The following TMEM212 variants were observed in gnomAD, a reference collection of about 807,000 sequenced individuals.
TMEM212 encodes transmembrane protein 212.
TMEM212 carries 23 observed loss-of-function variants against 20.5 expected under a neutral mutation model. That is an observed-to-expected ratio of 1.12 (90% CI 0.81 to 1.59). The LOEUF is 1.59. Among genes scored for constraint, TMEM212 ranks in the 40% most tolerant of loss-of-function variants. The pLI, the probability that TMEM212 is intolerant of heterozygous loss-of-function variation, is 0.00. For missense variants in TMEM212, 211 were observed against 215.0 expected (o/e 0.98, Z 0.12); for synonymous variants, 76 against 81.6 (o/e 0.93, Z 0.37).
At position 171,843,356 on chromosome 3, in the gene TMEM212, A is replaced by G; in HGVS notation, c.-28A>G. On this transcript the variant is annotated 5_prime_UTR_variant, in exon 1 of 5. Transcript: ENST00000334567. ...ATGTTTTGGTAACAAAACATCTTTG[A>G]GACCAAGGCCTCAAGCCACCAAGGA... 6.6e-7 allele frequency: 1 copy of G among 1,517,688 alleles called. No individual in the cohort carries two copies. Among genetic ancestry groups the G allele is most frequent in the Non-Finnish European group, 8.8e-7 (1 of 1,137,834 alleles). The allele number at this position is 1,517,688 out of a possible 1,614,324, so 94.0% of individuals were successfully genotyped here.
At chr3:171,849,561 T>C (rs1325951637) in intron 1 of TMEM212, among the ~76,000 whole-genome samples, 2 of 152,226 alleles carry the variant, frequency 1.3e-5, no homozygotes, top group African/African-American at 2.4e-5. Context: ...AAACACTCAC[T>C]CAATACATGT....
At chr3:171,854,115 G>C (rs1725057866) in intron 3 of TMEM212, among the ~76,000 whole-genome samples, 1 of 152,088 alleles carries the variant, frequency 6.6e-6, no homozygotes, top group South Asian at 2.1e-4. Context: ...ATTATTCATA[G>C]GAACAAGACA....
At chr3:171,847,235 G>A (rs1373251842) in intron 1 of TMEM212, among the ~76,000 whole-genome samples, 1 of 152,208 alleles carries the variant, frequency 6.6e-6, no homozygotes, top group Non-Finnish European at 1.5e-5. Flanking sequence ...ATCAAGTTCT[G>A]ATGAAAAGAC....
At chr3:171,844,482 C>A (rs111601065) in intron 1 of TMEM212, among the ~76,000 whole-genome samples, 1 of 152,064 alleles carries the variant, frequency 6.6e-6, no homozygotes, top group East Asian at 1.9e-4. Context: ...CCAAGGGGAG[C>A]GGATCACGAG....
intron 3 of TMEM212, 134 bp downstream of exon 3, chr3:171,853,984 C>T: frequency 1.5e-6 from 1 of 671,928 alleles, no homozygotes; most frequent in African/African-American, 1.8e-5. Flanking sequence ...CCAGGTCTGG[C>T]ACATAATAGG....
rs1432556313 is a variant in TMEM212, at chr3:171,858,730, AAAAC to A, written c.*680_*683del. 7.2e-5 allele frequency: 11 copies of A among 152,338 alleles called. No individual in the cohort carries two copies. The highest frequency in any genetic ancestry group is 2.0e-4 in the Admixed American group (3 of 15,296). The allele number at this position is 152,338 out of a possible 1,614,324, so 9.4% of individuals were successfully genotyped here. On this transcript the variant is annotated 3_prime_UTR_variant, in exon 5 of 5. Transcript: ENST00000334567. ...AGAACTTAAACAAATTTACAAGAAA[AAAAC>A]AAACAACCACATCAAAAAGTAGGCA...
At position 171,853,622 on chromosome 3, in the gene TMEM212, C is replaced by T. The variant is rs1479345108; in HGVS notation, c.315C>T (p.Cys105=). 5.9e-6 allele frequency: 9 copies of T among 1,537,156 alleles called. No individual in the cohort carries two copies. Among genetic ancestry groups the T allele is most frequent in the Non-Finnish European group, 7.8e-6 (9 of 1,146,886 alleles). ...ALESALLGPY[C]FYSFSGIAGT... is the part of the protein sequence containing the mutation. Reference sequence around the variant, plus strand: ...AATCTGCTCTCCTGGGCCCATATTGCTTCTATTCATTTTCAGGGATTGCAG... The same window carrying T: ...AATCTGCTCTCCTGGGCCCATATTGTTTCTATTCATTTTCAGGGATTGCAG... Residue 105 remains cysteine, a synonymous_variant, in exon 3 of 5, where the codon TGC becomes TGT. Coordinates refer to ENST00000334567, the MANE Select transcript of TMEM212 (RefSeq NM_001164436.2).
In TMEM212 at chr3:171,852,238, T is replaced by C. The variant is rs1382023388; in HGVS notation, c.219+197T>C. Among the ~76,000 whole-genome samples the C allele has an allele frequency of 2.6e-5, 4 of 152,034 alleles. No homozygotes were observed. The East Asian group carries it at 7.7e-4, about 29-fold the overall frequency. On this transcript the variant is annotated intron_variant, in intron 2 of 4. Transcript: ENST00000334567. ...TTTTTTGAGACGGAGTTTTACTCTG[T>C]CCCCCAGGCTGGAGTGCAGTGGCAT...
At chr3:171,852,080 T>C in intron 2 of TMEM212, 39 bp downstream of exon 2, 2 of 1,463,958 alleles carry the variant, frequency 1.4e-6, no homozygotes, top group Non-Finnish European at 1.9e-6. Flanking sequence ...TAGAGAGGCT[T>C]TGAAGGTCAA....
Position 171,853,736 on chromosome 3 carries a change from G to A in TMEM212, c.429G>A (p.Glu143=), listed in dbSNP as rs369310037. 333 of 1,537,306 alleles carry A rather than the reference G, an allele frequency of 2.2e-4. No individual in the cohort carries two copies. Among genetic ancestry groups the A allele is most frequent in the Admixed American group, 1.4e-4 (7 of 50,960 alleles). ...LACVDPPHYE[E]YHLTLQALDL... is the part of the protein sequence containing the mutation. Reference sequence around the variant, plus strand: ...GTGTGGACCCACCACACTACGAAGAGTACCACCTGACACTTCAAGCCCTAG... The same window carrying A: ...GTGTGGACCCACCACACTACGAAGAATACCACCTGACACTTCAAGCCCTAG... The change falls in exon 3 of 5, where the codon GAG becomes GAA. Residue 143 remains glutamate (E), a synonymous_variant. Coordinates refer to ENST00000334567, the MANE Select transcript of TMEM212 (RefSeq NM_001164436.2).
At chr3:171,856,591 T>A in intron 3 of TMEM212, 72 bp from the exon 4 acceptor site, 3 of 593,016 alleles carry the variant, frequency 5.1e-6, no homozygotes, top group Non-Finnish European at 6.1e-6. Flanking sequence ...TTTACATGGG[T>A]GCCCCTCCCA....
chr3:171,852,726 A>G (rs1369046726), intron 2 of TMEM212, among the ~76,000 whole-genome samples: 1 of 152,218 alleles, frequency 6.6e-6, no homozygotes, highest in African/African-American at 2.4e-5. Flanking sequence ...AAAAGGATGA[A>G]AAGTCTATGC....
intron 1 of TMEM212, among the ~76,000 whole-genome samples, chr3:171,851,509 C>G (rs1473136493): frequency 6.6e-6 from 1 of 152,210 alleles, no homozygotes; most frequent in African/African-American, 2.4e-5. Flanking sequence ...ATCCCACCAG[C>G]AGGCTGAGGC....
At chr3:171,850,341 T>C (rs1346042014) in intron 1 of TMEM212, among the ~76,000 whole-genome samples, 4 of 152,204 alleles carry the variant, frequency 2.6e-5, no homozygotes, top group African/African-American at 9.6e-5. Context: ...AAAGCAAAAT[T>C]CAAGCTGGCA....
intron 3 of TMEM212, among the ~76,000 whole-genome samples, chr3:171,855,288 A>G (rs901148762): frequency 2.6e-5 from 4 of 152,102 alleles, no homozygotes; most frequent in African/African-American, 9.7e-5. Context: ...CTAAAGTAGG[A>G]AAGGGAATTG....
intron 1 of TMEM212, among the ~76,000 whole-genome samples, chr3:171,848,280 T>C (rs561511854): frequency 6.6e-6 from 1 of 152,300 alleles, no homozygotes; most frequent in Non-Finnish European, 1.5e-5. Flanking sequence ...TCCCAGAGGA[T>C]GCCCATGCTG....
At chr3:171,854,679 C>T (rs979548125) in intron 3 of TMEM212, among the ~76,000 whole-genome samples, 16 of 152,136 alleles carry the variant, frequency 1.1e-4, no homozygotes, top group Admixed American at 3.9e-4. Context: ...AAAGACCACA[C>T]ATAGCCAAAG....
Position 171,851,998 on chromosome 3 carries a change from T to C in TMEM212, c.176T>C (p.Val59Ala). ...TTGTCACAGGCCATCACAACTGGTG[T>C]GCTTCTACTGTTGGCTTACAGAGAG... ...WNGALAITTG[V>A]LLLLAYREWT... is the part of the protein sequence containing the mutation. The change falls in exon 2 of 5, where the codon GTG (valine) becomes GCG (alanine). Residue 59 changes from valine (V) to alanine (A), a missense_variant. Transcript: ENST00000334567. 1 of 1,537,120 alleles carries C rather than the reference T, an allele frequency of 6.5e-7. No individual in the cohort carries two copies. The highest frequency in any genetic ancestry group is 8.7e-7 in the Non-Finnish European group (1 of 1,146,742).
At chr3:171,845,019 GT>G (rs368042961) in intron 1 of TMEM212, among the ~76,000 whole-genome samples, 158 of 151,374 alleles carry the variant, frequency 1.0e-3, no homozygotes, top group African/African-American at 3.1e-3. Context: ...CTCTTTCTCA[GT>G]TTTTTTTTCT....
Sources: gnomAD v4.1 joint callset for allele counts (sites outside exome capture counted in the v4.1 genomes callset) on GRCh38, gnomAD v4.1.1 for gene constraint, MANE v1.5 for transcripts, NCBI Gene and HGNC (gene_info 2026-07-23, HGNC 2026-07-21) for gene names.